The following ZMIZ1 variants were observed in gnomAD, a reference collection of about 807,000 sequenced individuals.
ZMIZ1 encodes zinc finger MIZ-type containing 1.
ZMIZ1 carries 17 observed loss-of-function variants against 113.9 expected under a neutral mutation model. The observed-to-expected ratio is 0.15, with a 90% confidence interval of 0.10 to 0.22. The LOEUF is 0.22. Ranked by LOEUF, ZMIZ1 falls within the 10% of genes least tolerant of loss-of-function variation. ZMIZ1 has a pLI of 1.00. For missense variants in ZMIZ1, 1,059 were observed against 1,477.8 expected (o/e 0.72, Z 4.65); for synonymous variants, 607 against 603.1 (o/e 1.01, Z -0.09).
intron 7 of ZMIZ1, among the ~76,000 whole-genome samples, chr10:79,275,508 G>A (rs528404286): frequency 1.3e-5 from 2 of 152,326 alleles, no homozygotes; most frequent in East Asian, 1.9e-4. Flanking sequence ...TTGGGCTGAC[G>A]GGAACCCCGT....
intron 5 of ZMIZ1, among the ~76,000 whole-genome samples, chr10:79,204,105 A>G (rs1261158553): frequency 6.6e-6 from 1 of 152,134 alleles, no homozygotes; most frequent in Non-Finnish European, 1.5e-5. Flanking sequence ...GTTGATTCTC[A>G]GGCATCCTGT....
intron 8 of ZMIZ1, among the ~76,000 whole-genome samples, chr10:79,278,112 T>C (rs1426410151): frequency 6.6e-6 from 1 of 152,246 alleles, no homozygotes; most frequent in East Asian, 1.9e-4. Flanking sequence ...GAGGTGCTGC[T>C]GGGAACTCGG....
chr10:79,101,391 G>A (rs768788888), intron 1 of ZMIZ1, among the ~76,000 whole-genome samples: 1 of 152,154 alleles, frequency 6.6e-6, no homozygotes, highest in Admixed American at 6.5e-5. Context: ...GTGCTGGGGG[G>A]ATGCTGTCAG....
At chr10:79,166,002 G>GTGTGTGTGTGTGTGTGTGTGTGTGTGTGT (rs56386650) in intron 4 of ZMIZ1, among the ~76,000 whole-genome samples, 5 of 13,440 alleles carry the variant, frequency 3.7e-4, no homozygotes, top group African/African-American at 5.9e-4. Flanking sequence ...GTGTGTGTGT[G>GTGTGTGTGTGTGTGTGTGTGTGTGTGTGT]GGCTCTCCCT....
At chr10:79,156,688 G>A (rs992383364) in intron 3 of ZMIZ1, among the ~76,000 whole-genome samples, 3 of 152,188 alleles carry the variant, frequency 2.0e-5, no homozygotes, top group Non-Finnish European at 2.9e-5. Flanking sequence ...GGTAAAGATC[G>A]ACAGGATGAT....
chr10:79,192,129 A>G (rs1847632741), intron 4 of ZMIZ1, among the ~76,000 whole-genome samples: 1 of 152,204 alleles, frequency 6.6e-6, no homozygotes, highest in African/African-American at 2.4e-5. Context: ...GAGTATGGCC[A>G]GAGGATGGCA....
At chr10:79,106,578 T>C (rs2132279356) in intron 1 of ZMIZ1, among the ~76,000 whole-genome samples, 1 of 152,334 alleles carries the variant, frequency 6.6e-6, no homozygotes, top group East Asian at 1.9e-4. Flanking sequence ...GAAGCTCCTA[T>C]AAGAACTTAG....
chr10:79,074,208 A>G (rs1350718367), intron 1 of ZMIZ1, among the ~76,000 whole-genome samples: 1 of 152,244 alleles, frequency 6.6e-6, no homozygotes, highest in Non-Finnish European at 1.5e-5. Context: ...TGGCAAAGTT[A>G]GGACTGAACC....
intron 6 of ZMIZ1, among the ~76,000 whole-genome samples, chr10:79,214,977 GC>G (rs1429835450): frequency 6.6e-6 from 1 of 152,146 alleles, no homozygotes; most frequent in Non-Finnish European, 1.5e-5. Flanking sequence ...GTCCCACACT[GC>G]CCCCCAGGGG....
chr10:79,153,453 G>T (rs1845783411), intron 3 of ZMIZ1, among the ~76,000 whole-genome samples: 2 of 152,232 alleles, frequency 1.3e-5, no homozygotes, highest in Admixed American at 6.5e-5. Context: ...AATCCCAGTG[G>T]GGAAAGTCGA....
Position 79,236,916 on chromosome 10 carries a change from G to A in ZMIZ1, c.280+20642G>A, listed in dbSNP as rs1455622430. On this transcript the variant is annotated intron_variant, in intron 7 of 24. Transcript: ENST00000334512. ...TGACATGGAGCTTGCCTTTTAGTGA[G>A]GGAGACAGCATTAAACAAGGTAAAT... 2.6e-5 allele frequency among the ~76,000 whole-genome samples: 4 copies of A among 152,226 alleles called. 1 individual carries two copies. The highest frequency in any genetic ancestry group is 5.9e-5 in the Non-Finnish European group (4 of 68,046).
intron 3 of ZMIZ1, among the ~76,000 whole-genome samples, chr10:79,151,849 G>A (rs914461151): frequency 1.3e-5 from 2 of 152,196 alleles, no homozygotes; most frequent in Non-Finnish European, 2.9e-5. Context: ...GGGCATTGGC[G>A]GTGGGTGGAG....
At chr10:79,291,856 A>G (rs977291663) in intron 10 of ZMIZ1, among the ~76,000 whole-genome samples, 8 of 152,198 alleles carry the variant, frequency 5.3e-5, no homozygotes, top group Admixed American at 3.9e-4. Context: ...CAGCTCCGCC[A>G]TCAATGCTGC....
chr10:79,251,574 G>A (rs918379683), intron 7 of ZMIZ1, among the ~76,000 whole-genome samples: 12 of 152,094 alleles, frequency 7.9e-5, no homozygotes, highest in Non-Finnish European at 1.6e-4. Context: ...CATGAGCCCC[G>A]AACTGGTAGA....
intron 4 of ZMIZ1, among the ~76,000 whole-genome samples, chr10:79,164,404 TTGAGTGAGTGAGTGAGTGAG>T (rs67735676): frequency 6.6e-6 from 1 of 151,280 alleles, no homozygotes; most frequent in East Asian, 1.9e-4. Context: ...ATTCTGTTAA[TTGAGTGAGTGAGTGAGTGAG>T]TGAGTGAGTG....
At chr10:79,080,422 T>C (rs1197515370) in intron 1 of ZMIZ1, among the ~76,000 whole-genome samples, 1 of 149,262 alleles carries the variant, frequency 6.7e-6, no homozygotes, top group African/African-American at 2.5e-5. Flanking sequence ...TTCTCTTGCC[T>C]CAGCCTCCTG....
At chr10:79,181,981 G>A (rs1403435622) in intron 4 of ZMIZ1, among the ~76,000 whole-genome samples, 1 of 152,190 alleles carries the variant, frequency 6.6e-6, no homozygotes, top group African/African-American at 2.4e-5. Context: ...AACTGGAGGA[G>A]GAGGAGGAGC....
intron 7 of ZMIZ1, among the ~76,000 whole-genome samples, chr10:79,256,191 G>T (rs1850891317): frequency 6.6e-6 from 1 of 152,164 alleles, no homozygotes; most frequent in South Asian, 2.1e-4. Flanking sequence ...ATGTGTGAGT[G>T]GCTAAGTGTG....
chr10:79,300,728 C>T lies in ZMIZ1; in HGVS notation c.1809-4C>T, dbSNP rs747611925. On this transcript the variant is annotated splice_region_variant and splice_polypyrimidine_tract_variant and intron_variant, in intron 16 of 24. Transcript: ENST00000334512. ...TGCCCTGAGCACCCTCGTTCCCCAC[C>T]TAGGTCTGACCTGGAGCTGCAGTTC... 8.7e-6 allele frequency: 14 copies of T among 1,613,358 alleles called. No homozygotes were observed. The highest frequency in any genetic ancestry group is 1.2e-5 in the Non-Finnish European group (14 of 1,179,976).
Sources: allele counts gnomAD v4.1 joint callset (sites outside exome capture counted in the v4.1 genomes callset), GRCh38; gene constraint gnomAD v4.1.1; transcripts MANE v1.5; gene names NCBI Gene and HGNC (gene_info 2026-07-23, HGNC 2026-07-21).